THSD7B: variants seen among roughly 807,000 people sequenced by gnomAD.
THSD7B encodes the protein thrombospondin type 1 domain containing 7B, also known as thrombospondin type-1 domain-containing protein 7B.
THSD7B carries 138 observed loss-of-function variants against 213.6 expected under a neutral mutation model. That is an observed-to-expected ratio of 0.65 (90% CI 0.56 to 0.74). The LOEUF (loss-of-function observed/expected upper bound fraction) is 0.74. Ranked by LOEUF, THSD7B falls within the 30% of genes least tolerant of loss-of-function variation. The pLI, the probability that THSD7B is intolerant of heterozygous loss-of-function variation, is 0.00. For missense variants in THSD7B, 1,931 were observed against 1,991.5 expected (o/e 0.97, Z 0.58); for synonymous variants, 742 against 687.0 (o/e 1.08, Z -1.25).
chr2:137,404,466 T>TACAC (rs1267898611), intron 12 of THSD7B, among the ~76,000 whole-genome samples: 107 of 73,934 alleles, frequency 1.4e-3, no homozygotes, highest in South Asian at 4.0e-3. Flanking sequence ...TATATATATA[T>TACAC]ATATATATAC....
chr2:137,337,084 A>G (rs900459141), intron 12 of THSD7B, among the ~76,000 whole-genome samples: 6 of 151,670 alleles, frequency 4.0e-5, no homozygotes, highest in African/African-American at 1.4e-4. Context: ...ACCAAATAAT[A>G]TATATATTAT....
chr2:137,546,603 GT>G lies in THSD7B; in HGVS notation c.3139-16610del, dbSNP rs540628672. On this transcript the variant is annotated intron_variant, in intron 15 of 27. Transcript: ENST00000409968. ...TCCTTTTTCTTTTGGGGATACTGGG[GT>G]TTTTTTTGTTTGTTTTTTACAGAAA... Among the ~76,000 whole-genome samples the G allele has an allele frequency of 7.9e-5, 11 of 138,460 alleles. No homozygotes were observed. The South Asian group carries it at 9.0e-4, about 11-fold the overall frequency. 90.8% of individuals were successfully genotyped at this position (138,460 alleles called of 152,430 possible).
chr2:137,234,563 G>A (rs908379986), intron 9 of THSD7B, among the ~76,000 whole-genome samples: 2 of 152,138 alleles, frequency 1.3e-5, no homozygotes, highest in African/African-American at 2.4e-5. Flanking sequence ...TGACTTGAAG[G>A]GAAGCATAGC....
chr2:137,524,849 C>G (rs1399777251), intron 15 of THSD7B, among the ~76,000 whole-genome samples: 1 of 152,158 alleles, frequency 6.6e-6, no homozygotes, highest in Non-Finnish European at 1.5e-5. Flanking sequence ...ATCAGACATT[C>G]AGGTGGCTGA....
intron 2 of THSD7B, among the ~76,000 whole-genome samples, chr2:136,935,033 G>T (rs1684698099): frequency 6.6e-6 from 1 of 152,056 alleles, no homozygotes; most frequent in Non-Finnish European, 1.5e-5. Context: ...ATTCTTCCAA[G>T]GTAAAACTGT....
intron 2 of THSD7B, among the ~76,000 whole-genome samples, chr2:136,999,613 C>G (rs1187340637): frequency 1.3e-5 from 2 of 151,910 alleles, no homozygotes; most frequent in Non-Finnish European, 2.9e-5. Flanking sequence ...GTCTGTTTCC[C>G]TACCCTCCTG....
At chr2:137,010,221 A>G (rs1686202894) in intron 2 of THSD7B, among the ~76,000 whole-genome samples, 1 of 152,236 alleles carries the variant, frequency 6.6e-6, no homozygotes, top group Non-Finnish European at 1.5e-5. Context: ...ACAGTCAGCA[A>G]CAGTGGAAGA....
intron 2 of THSD7B, among the ~76,000 whole-genome samples, chr2:136,955,844 G>A (rs7574387): frequency 0.074 from 11,259 of 151,882 alleles, 680 homozygotes; most frequent in African/African-American, 0.16. Context: ...TAGTAGAGAT[G>A]GGGTTTCACC....
chr2:137,357,807 T>C (rs1685168029), intron 12 of THSD7B, among the ~76,000 whole-genome samples: 1 of 152,184 alleles, frequency 6.6e-6, no homozygotes, highest in African/African-American at 2.4e-5. Context: ...GAAATTACAA[T>C]AGCCCATGTG....
intron 12 of THSD7B, among the ~76,000 whole-genome samples, chr2:137,387,527 C>A (rs893567084): frequency 5.3e-5 from 8 of 152,230 alleles, no homozygotes; most frequent in East Asian, 3.9e-4. Context: ...TGTCCCTCCC[C>A]TTAAACAATT....
chr2:137,032,635 G>GA (rs1686696595), intron 2 of THSD7B, among the ~76,000 whole-genome samples: 1 of 152,178 alleles, frequency 6.6e-6, no homozygotes, highest in Admixed American at 6.5e-5. Context: ...TTGTAGGCAG[G>GA]CCCTAGTTGG....
chr2:136,775,006 CA>C lies in THSD7B; in HGVS notation c.-36+9321del, dbSNP rs377597668. 7.2e-5 allele frequency among the ~76,000 whole-genome samples: 11 copies of C among 152,202 alleles called. No individual in the cohort carries two copies. In the East Asian group the frequency reaches 2.1e-3, roughly 29 times the overall value. Reference sequence around the variant, plus strand: ...GTCCGTGACATAGAGTAGATACACGCAAGAGTAAAATGCCAGTTCCAGTTTC... The same window carrying C: ...GTCCGTGACATAGAGTAGATACACGCAGAGTAAAATGCCAGTTCCAGTTTC... On this transcript the variant is annotated intron_variant, in intron 1 of 27. Transcript: ENST00000409968.
intron 12 of THSD7B, among the ~76,000 whole-genome samples, chr2:137,286,510 G>C (rs531696622): frequency 6.6e-6 from 1 of 152,092 alleles, no homozygotes; most frequent in Non-Finnish European, 1.5e-5. Context: ...TTCATTCTCC[G>C]AATGGAAGAC....
At chr2:137,580,444 T>TA (rs1386705398) in intron 17 of THSD7B, among the ~76,000 whole-genome samples, 2 of 152,170 alleles carry the variant, frequency 1.3e-5, no homozygotes, top group Non-Finnish European at 2.9e-5. Context: ...TAGTAGTTTT[T>TA]AAAAAATTGG....
At chr2:136,836,542 C>T (rs1682845147) in intron 1 of THSD7B, among the ~76,000 whole-genome samples, 1 of 152,160 alleles carries the variant, frequency 6.6e-6, no homozygotes, top group Non-Finnish European at 1.5e-5. Flanking sequence ...AGCTTAGCAC[C>T]TCACTGGCTG....
chr2:137,494,402 T>C (rs1288146647), intron 15 of THSD7B, among the ~76,000 whole-genome samples: 1 of 152,174 alleles, frequency 6.6e-6, no homozygotes, highest in African/African-American at 2.4e-5. Context: ...CCAGATTTTT[T>C]TCTAATGTAT....
At chr2:137,510,295 T>C (rs1558822027) in intron 15 of THSD7B, among the ~76,000 whole-genome samples, 1 of 152,186 alleles carries the variant, frequency 6.6e-6, no homozygotes, top group Non-Finnish European at 1.5e-5. Context: ...ATAGCGATTA[T>C]AACATGCATC....
intron 2 of THSD7B, among the ~76,000 whole-genome samples, chr2:137,053,295 A>C (rs2104873513): frequency 6.6e-6 from 1 of 152,312 alleles, no homozygotes; most frequent in African/African-American, 2.4e-5. Flanking sequence ...CTCATATCCA[A>C]ATAGGAGATC....
intron 15 of THSD7B, among the ~76,000 whole-genome samples, chr2:137,498,100 G>T (rs1164385977): frequency 6.6e-6 from 1 of 152,118 alleles, no homozygotes; most frequent in Non-Finnish European, 1.5e-5. Context: ...TATATAAAAT[G>T]GTACTACAAC....
Sources: gnomAD v4.1 joint callset for allele counts (sites outside exome capture counted in the v4.1 genomes callset) on GRCh38, gnomAD v4.1.1 for gene constraint, MANE v1.5 for transcripts, NCBI Gene and HGNC (gene_info 2026-07-23, HGNC 2026-07-21) for gene names.